Variants in KIF26B observed in about 807,000 individuals in gnomAD.
KIF26B encodes kinesin-like protein KIF26B.
KIF26B carries 63 observed loss-of-function variants against 151.2 expected under a neutral mutation model. The ratio of observed to expected loss-of-function variants is 0.42; its 90% CI spans 0.34 to 0.51. The LOEUF is 0.51. KIF26B is among the 20% of genes least tolerant of loss of function. The pLI, the probability that KIF26B is intolerant of heterozygous loss-of-function variation, is 0.07. For missense variants in KIF26B, 2,813 were observed against 2,913.6 expected, an observed-to-expected ratio of 0.97 and a Z score of 0.79; for synonymous variants, 1,357 against 1,262.1, an observed-to-expected ratio of 1.08 and a Z score of -1.59.
At chr1:245,344,388 G>A (rs1172990571) in intron 2 of KIF26B, among the ~76,000 whole-genome samples, 1 of 151,480 alleles carries the variant, frequency 6.6e-6, no homozygotes, top group Non-Finnish European at 1.5e-5. Context: ...CCAGCTGCTC[G>A]GGAGGCTGAG....
intron 2 of KIF26B, among the ~76,000 whole-genome samples, chr1:245,198,929 AGCCCCT>A (rs1371147508): frequency 5.9e-4 from 1 of 1,682 alleles, no homozygotes; most frequent in Non-Finnish European, 1.0e-3. Context: ...GTGGAAAGGA[AGCCCCT>A]GCGGCAGCGT....
Position 245,539,812 on chromosome 1 carries a change from C to T in KIF26B, c.1167-955C>T, listed in dbSNP as rs563959771. On this transcript the variant is annotated intron_variant, in intron 4 of 14. Transcript: ENST00000407071. ...GGATTACAGGCATGCACCACCACAC[C>T]CGGCTAATTTTTGTATTTTTAGTAG... Among the ~76,000 whole-genome samples the T allele has an allele frequency of 6.6e-5, 10 of 152,222 alleles. No individual in the cohort carries two copies. The South Asian group carries it at 1.5e-3, about 22-fold the overall frequency.
At chr1:245,685,257 C>T in intron 11 of KIF26B, 148 bp from the exon 12 acceptor site, 2 of 640,212 alleles carry the variant, frequency 3.1e-6, no homozygotes, top group Non-Finnish European at 5.4e-6. Flanking sequence ...GGGCATGGCA[C>T]CCCGAGTGGC....
At chr1:245,482,985 A>G (rs1660200937) in intron 4 of KIF26B, among the ~76,000 whole-genome samples, 2 of 151,718 alleles carry the variant, frequency 1.3e-5, no homozygotes, top group African/African-American at 4.8e-5. Flanking sequence ...GCTGTTGGAA[A>G]AAGCTTCCCC....
At chr1:245,491,668 G>A (rs933188303) in intron 4 of KIF26B, among the ~76,000 whole-genome samples, 5 of 152,228 alleles carry the variant, frequency 3.3e-5, no homozygotes, top group African/African-American at 9.6e-5. Context: ...AGCACTTCGG[G>A]AGGCCGAGGT....
At chr1:245,224,926 C>A (rs190990815) in intron 2 of KIF26B, among the ~76,000 whole-genome samples, 1 of 152,260 alleles carries the variant, frequency 6.6e-6, no homozygotes, top group South Asian at 2.1e-4. Context: ...AGATGAATAG[C>A]CATAATTATC....
intron 4 of KIF26B, among the ~76,000 whole-genome samples, chr1:245,527,383 G>A (rs115352650): frequency 6.6e-6 from 1 of 152,038 alleles, no homozygotes; most frequent in Admixed American, 6.6e-5. Context: ...ATATTTATAG[G>A]CAACCGAAAT....
At chr1:245,700,432 C>T (rs1488916079) in intron 14 of KIF26B, among the ~76,000 whole-genome samples, 1 of 152,146 alleles carries the variant, frequency 6.6e-6, no homozygotes, top group African/African-American at 2.4e-5. Flanking sequence ...TGGCTCACGC[C>T]TGTAATCCCA....
intron 4 of KIF26B, among the ~76,000 whole-genome samples, chr1:245,437,857 A>G (rs1421601315): frequency 6.6e-6 from 1 of 152,172 alleles, no homozygotes; most frequent in South Asian, 2.1e-4. Context: ...GTGAAATCCA[A>G]TCAGTGATTC....
rs993720754 is a variant in KIF26B at position 245,563,564 on chromosome 1, T to C, written c.1350+22614T>C. Among the ~76,000 whole-genome samples, 4 of 152,130 alleles carry C rather than the reference T, an allele frequency of 2.6e-5. No individual in the cohort carries two copies. On this transcript the variant is annotated intron_variant, in intron 5 of 14. Transcript: ENST00000407071. The surrounding 1 kb of genome is among the most constrained non-coding windows in gnomAD (Gnocchi z 4.6). ...TCTTAATGGCCACTTCTCAAACACA[T>C]GGCTGACAGATTCCGGAGGCCTTCA...
chr1:245,663,033 C>T (rs1248903382), intron 10 of KIF26B, among the ~76,000 whole-genome samples: 2 of 150,894 alleles, frequency 1.3e-5, no homozygotes, highest in African/African-American at 2.4e-5. Flanking sequence ...TTGTATCTCT[C>T]TCCATTCTTC....
chr1:245,273,805 T>C (rs1441297975), intron 2 of KIF26B, among the ~76,000 whole-genome samples: 1 of 152,204 alleles, frequency 6.6e-6, no homozygotes, highest in Non-Finnish European at 1.5e-5. Flanking sequence ...AGCTTGTTTT[T>C]AAAATCCATT....
At chr1:245,368,915 G>A (rs150682379) in intron 3 of KIF26B, among the ~76,000 whole-genome samples, 1,747 of 152,184 alleles carry the variant, frequency 0.011, 19 homozygotes, top group Non-Finnish European at 0.016. Context: ...TGGGTGGATT[G>A]CTTGAGTACA....
rs149235438 is a variant in KIF26B at position 245,676,992 on chromosome 1, T to C, written c.2259-7241T>C. 2.5e-3 allele frequency among the ~76,000 whole-genome samples: 381 copies of C among 152,304 alleles called. 1 individual carries two copies. Among genetic ancestry groups the C allele is most frequent in the African/African-American group, 8.7e-3 (361 of 41,578 alleles). ...AAGAACGCGTCTCTCCCACGCATTA[T>C]CCTGCCTCAGAGGCATCTCAAATGA... On this transcript the variant is annotated intron_variant, in intron 10 of 14. Coordinates refer to ENST00000407071, the MANE Select transcript of KIF26B (RefSeq NM_018012.4).
intron 2 of KIF26B, among the ~76,000 whole-genome samples, chr1:245,222,359 C>A (rs756564552): frequency 1.5e-4 from 23 of 152,138 alleles, no homozygotes; most frequent in Non-Finnish European, 3.1e-4. Context: ...ATCGCTTAAA[C>A]CCGGGAGGCG....
intron 2 of KIF26B, among the ~76,000 whole-genome samples, chr1:245,316,669 A>C (rs978677590): frequency 6.6e-6 from 1 of 152,202 alleles, no homozygotes; most frequent in Non-Finnish European, 1.5e-5. Context: ...AGCTGTCTGC[A>C]AGCTTAAAAT....
chr1:245,254,134 A>G (rs1279218288), intron 2 of KIF26B, among the ~76,000 whole-genome samples: 2 of 151,428 alleles, frequency 1.3e-5, no homozygotes, highest in Non-Finnish European at 2.9e-5. Context: ...TTTCTTTAAC[A>G]TTATGGGCAT....
At chr1:245,422,139 A>G (rs1289038213) in intron 4 of KIF26B, among the ~76,000 whole-genome samples, 2 of 152,122 alleles carry the variant, frequency 1.3e-5, no homozygotes, top group African/African-American at 4.8e-5. Context: ...AATCTTTACT[A>G]TTACTTTCTG....
intron 4 of KIF26B, among the ~76,000 whole-genome samples, chr1:245,483,222 A>G (rs1313373046): frequency 6.6e-6 from 1 of 151,852 alleles, no homozygotes; most frequent in Non-Finnish European, 1.5e-5. Flanking sequence ...AATAAAAATA[A>G]TGATCCACAG....
Sources: gnomAD v4.1 joint callset for allele counts (sites outside exome capture counted in the v4.1 genomes callset) on GRCh38, gnomAD v4.1.1 for gene constraint, Gnocchi (gnomAD v3.1) non-coding constraint, MANE v1.5 for transcripts, NCBI Gene and HGNC (gene_info 2026-07-23, HGNC 2026-07-21) for gene names.